The following GHR variants were observed in gnomAD, a reference collection of about 807,000 sequenced individuals.
The protein encoded by GHR is growth hormone receptor, also known as GH receptor.
In GHR, 35 loss-of-function variants were observed where a neutral mutation model predicts 67.1. That is an observed-to-expected ratio of 0.52 (90% CI 0.40 to 0.69). The LOEUF is 0.69. GHR is among the 30% of genes least tolerant of loss of function. The probability of loss-of-function intolerance (pLI) is 0.00; values close to 1 mark genes in which losing one functional copy is unlikely to be tolerated. For synonymous variants in GHR, 272 were observed against 269.1 expected, an observed-to-expected ratio of 1.01 and a Z score of -0.10; for missense variants, 792 against 764.6, an observed-to-expected ratio of 1.04 and a Z score of -0.42.
At chr5:42,436,653 T>C (rs1743341653) in intron 1 of GHR, among the ~76,000 whole-genome samples, 1 of 152,222 alleles carries the variant, frequency 6.6e-6, no homozygotes. Flanking sequence ...TGTGTAATAA[T>C]TTAAAGTATT....
At chr5:42,485,961 G>T (rs763172011) in intron 1 of GHR, among the ~76,000 whole-genome samples, 61 of 152,132 alleles carry the variant, frequency 4.0e-4, no homozygotes, top group Admixed American at 1.8e-3. Context: ...TACCTGCTCT[G>T]AGAAGATTTA....
intron 3 of GHR, among the ~76,000 whole-genome samples, chr5:42,638,034 G>A (rs1754288129): frequency 6.6e-6 from 1 of 152,132 alleles, no homozygotes; most frequent in South Asian, 2.1e-4. Context: ...CCGCCTCCCA[G>A]GTTCAAGCAA....
chr5:42,430,634 G>GTGTT (rs1324123947), intron 1 of GHR, among the ~76,000 whole-genome samples: 1 of 151,650 alleles, frequency 6.6e-6, no homozygotes, highest in Admixed American at 6.6e-5. Context: ...GTGTGTGTGT[G>GTGTT]TGTATGTGTG....
chr5:42,573,308 G>A (rs1750440264), intron 2 of GHR, among the ~76,000 whole-genome samples: 1 of 152,152 alleles, frequency 6.6e-6, no homozygotes, highest in Admixed American at 6.5e-5. Flanking sequence ...TGCCACTTTA[G>A]AAGCTAGGCT....
chr5:42,547,874 T>G (rs1396347993), intron 1 of GHR, among the ~76,000 whole-genome samples: 6 of 152,228 alleles, frequency 3.9e-5, no homozygotes, highest in Admixed American at 3.3e-4. Context: ...CAATGTGCTA[T>G]CTTCTGGGCA....
intron 2 of GHR, among the ~76,000 whole-genome samples, chr5:42,571,711 T>C (rs1039937558): frequency 1.3e-5 from 2 of 152,180 alleles, no homozygotes; most frequent in African/African-American, 4.8e-5. Context: ...ATGCCAGTGA[T>C]AGAGTATATT....
chr5:42,637,767 G>A (rs557552776), intron 3 of GHR, among the ~76,000 whole-genome samples: 10 of 152,260 alleles, frequency 6.6e-5, no homozygotes, highest in Admixed American at 3.3e-4. Flanking sequence ...ATGAATATAT[G>A]AGTGCGTGTG....
intron 1 of GHR, among the ~76,000 whole-genome samples, chr5:42,460,120 T>C (rs7709329): frequency 2.0e-5 from 3 of 152,126 alleles, no homozygotes; most frequent in African/African-American, 4.8e-5. Flanking sequence ...TTCTCTCTCT[T>C]TGCTATATGA....
Position 42,718,103 on chromosome 5 carries a change from C to T in GHR, c.927C>T (p.Ile309=), listed in dbSNP as rs765145823. The change falls in exon 9 of 10, where the codon ATC becomes ATT. Residue 309 remains isoleucine, a synonymous_variant. Transcript: ENST00000230882. Reference sequence around the variant, plus strand: ...TTCCAGTTCCAAAGATTAAAGGAATCGATCCAGATCTCCTCAAGGTAACTA... The same window carrying T: ...TTCCAGTTCCAAAGATTAAAGGAATTGATCCAGATCTCCTCAAGGTAACTA... ...PPVPVPKIKG[I]DPDLLKEGKL... 3.0e-5 allele frequency: 46 copies of T among 1,531,012 alleles called. No individual in the cohort carries two copies. The highest frequency in any genetic ancestry group is 3.3e-5 in the Admixed American group (2 of 59,890). The allele number at this position is 1,531,012 out of a possible 1,614,324, so 94.8% of individuals were successfully genotyped here.
chr5:42,715,877 T>A (rs1038839142), intron 8 of GHR, among the ~76,000 whole-genome samples: 1 of 152,174 alleles, frequency 6.6e-6, no homozygotes, highest in Non-Finnish European at 1.5e-5. Context: ...CATTCTTTAA[T>A]TTGCCACCAT....
At chr5:42,438,290 C>T (rs1428036293) in intron 1 of GHR, among the ~76,000 whole-genome samples, 2 of 152,194 alleles carry the variant, frequency 1.3e-5, no homozygotes, top group African/African-American at 2.4e-5. Flanking sequence ...GTAAGTCGCA[C>T]AGTGTATTCA....
At chr5:42,660,392 A>G (rs1580144956) in intron 3 of GHR, among the ~76,000 whole-genome samples, 1 of 152,288 alleles carries the variant, frequency 6.6e-6, no homozygotes, top group East Asian at 1.9e-4. Flanking sequence ...TCACACGGCC[A>G]GGTACTCCTC....
intron 2 of GHR, among the ~76,000 whole-genome samples, chr5:42,577,813 C>A (rs958608067): frequency 6.6e-6 from 1 of 152,218 alleles, no homozygotes; most frequent in Non-Finnish European, 1.5e-5. Context: ...AAGCATTCAT[C>A]CTGTCTGCGT....
chr5:42,625,366 C>T (rs138761395), intron 2 of GHR, among the ~76,000 whole-genome samples: 292 of 152,160 alleles, frequency 1.9e-3, no homozygotes, highest in Middle Eastern at 6.8e-3. Flanking sequence ...TTTTCTCCTA[C>T]TATACTCTCA....
chr5:42,638,583 G>A (rs934876056), intron 3 of GHR, among the ~76,000 whole-genome samples: 4 of 152,064 alleles, frequency 2.6e-5, no homozygotes, highest in Admixed American at 2.0e-4. Context: ...GTAACACAAT[G>A]GTAAGTATTT....
In GHR at chr5:42,553,908, A is replaced by T. The variant is rs190632911; in HGVS notation, c.-11-11956A>T. Among the ~76,000 whole-genome samples, 9 of 152,322 alleles carry T rather than the reference A, an allele frequency of 5.9e-5. No homozygotes were observed. In the East Asian group the frequency reaches 1.7e-3, roughly 29 times the overall value. ...TATTAAAATTACTTGACATAGATCC[A>T]TAAATCATCATCTGTTGCAAAAAAG... On this transcript the variant is annotated intron_variant, in intron 1 of 9. Transcript: ENST00000230882.
In GHR at chr5:42,576,105, A is replaced by AAAT. The variant is rs1269802687; in HGVS notation, c.70+10164_70+10166dup. ...AAAATAAAATAAAATAAAATAAATAAAATAAAATAAAATAAAATAAAATAA... is the reference window on the plus strand; with the variant it reads ...AAAATAAAATAAAATAAAATAAATAAAATAATAAAATAAAATAAAATAAAATAA... On this transcript the variant is annotated intron_variant, in intron 2 of 9. Transcript: ENST00000230882. Among the ~76,000 whole-genome samples, 510 of 105,984 alleles carry AAAT rather than the reference A, an allele frequency of 4.8e-3. 6 individuals carry two copies. Among genetic ancestry groups the AAAT allele is most frequent in the South Asian group, 0.019 (62 of 3,316 alleles). The allele number at this position is 105,984 out of a possible 152,430, so 69.5% of individuals were successfully genotyped here.
chr5:42,570,486 T>C (rs1750229588), intron 2 of GHR, among the ~76,000 whole-genome samples: 1 of 152,242 alleles, frequency 6.6e-6, no homozygotes, highest in African/African-American at 2.4e-5. Flanking sequence ...TTAAGTCATT[T>C]TACAGATTCA....
intron 1 of GHR, among the ~76,000 whole-genome samples, chr5:42,531,650 A>G (rs1200462167): frequency 6.6e-6 from 1 of 152,122 alleles, no homozygotes; most frequent in East Asian, 1.9e-4. Flanking sequence ...GCTGCCTTTT[A>G]TGGTTACTAT....
Sources: allele counts gnomAD v4.1 joint callset (sites outside exome capture counted in the v4.1 genomes callset), GRCh38; gene constraint gnomAD v4.1.1; transcripts MANE v1.5; gene names NCBI Gene and HGNC (gene_info 2026-07-23, HGNC 2026-07-21).